Variants in SLC16A7 observed in about 807,000 individuals in gnomAD.
SLC16A7 encodes the protein monocarboxylate transporter 2.
In SLC16A7, 33 loss-of-function variants were observed where a neutral mutation model predicts 34.9. The ratio of observed to expected loss-of-function variants is 0.94; its 90% confidence interval spans 0.72 to 1.26. The LOEUF (loss-of-function observed/expected upper bound fraction) is 1.26, where lower values mean the gene tolerates loss of function less well. SLC16A7 is among the 50% of genes most tolerant of loss of function. The probability of loss-of-function intolerance (pLI) is 0.00; values close to 1 mark genes in which losing one functional copy is unlikely to be tolerated. For synonymous variants in SLC16A7, 201 were observed against 206.6 expected (o/e 0.97, Z 0.23); for missense variants, 573 against 578.1 (o/e 0.99, Z 0.09).
intron 3 of SLC16A7, among the ~76,000 whole-genome samples, chr12:59,770,981 T>C (rs1882167140): frequency 6.6e-6 from 1 of 151,332 alleles, no homozygotes. Flanking sequence ...CAACGAAATA[T>C]ATGTTCAACA....
intron 2 of SLC16A7, among the ~76,000 whole-genome samples, chr12:59,681,077 G>A (rs1294720932): frequency 6.6e-6 from 1 of 152,146 alleles, no homozygotes; most frequent in East Asian, 1.9e-4. Context: ...CAAAGCTGAG[G>A]TGCAGGCACC....
At chr12:59,759,569 AT>A (rs1429664067) in intron 3 of SLC16A7, among the ~76,000 whole-genome samples, 1 of 152,070 alleles carries the variant, frequency 6.6e-6, no homozygotes, top group Non-Finnish European at 1.5e-5. Flanking sequence ...ATGAAAAACA[AT>A]ATTTATATTT....
intron 3 of SLC16A7, chr12:59,768,036 T>C (rs1010076576): frequency 2.5e-6 from 1 of 394,044 alleles, no homozygotes. Context: ...GGCCCATGTA[T>C]ACATATGTAA....
chr12:59,663,222 T>A (rs1372658477), intron 2 of SLC16A7, among the ~76,000 whole-genome samples: 1 of 152,016 alleles, frequency 6.6e-6, no homozygotes, highest in Non-Finnish European at 1.5e-5. Flanking sequence ...AACTTTAGAA[T>A]ATTTTGTAAT....
chr12:59,655,886 C>T (rs1868509746), intron 2 of SLC16A7, among the ~76,000 whole-genome samples: 1 of 151,904 alleles, frequency 6.6e-6, no homozygotes, highest in South Asian at 2.1e-4. Flanking sequence ...GACTGCATAA[C>T]TTATAAGGGA....
intron 1 of SLC16A7, among the ~76,000 whole-genome samples, chr12:59,633,804 T>A (rs2136997212): frequency 6.6e-6 from 1 of 151,838 alleles, no homozygotes; most frequent in East Asian, 2.0e-4. Context: ...AACCATCAGA[T>A]CTCCTGAAAA....
At chr12:59,717,311 G>A (rs1875029898) in intron 3 of SLC16A7, among the ~76,000 whole-genome samples, 1 of 152,112 alleles carries the variant, frequency 6.6e-6, no homozygotes, top group Non-Finnish European at 1.5e-5. Context: ...AATACACAGA[G>A]GTTGTCATTA....
At chr12:59,730,414 C>T (rs1876816021) in intron 3 of SLC16A7, among the ~76,000 whole-genome samples, 1 of 151,140 alleles carries the variant, frequency 6.6e-6, no homozygotes, top group Non-Finnish European at 1.5e-5. Flanking sequence ...CAAAATGGCA[C>T]CTATTTCCTA....
At chr12:59,759,007 A>G (rs938257573) in intron 3 of SLC16A7, among the ~76,000 whole-genome samples, 1 of 148,398 alleles carries the variant, frequency 6.7e-6, no homozygotes, top group Non-Finnish European at 1.5e-5. Context: ...AGTCTTCTGT[A>G]TGGACTTTTT....
At chr12:59,656,811 A>G (rs1244802947) in intron 2 of SLC16A7, among the ~76,000 whole-genome samples, 1 of 151,934 alleles carries the variant, frequency 6.6e-6, no homozygotes, top group African/African-American at 2.4e-5. Flanking sequence ...CTAGGTTGTA[A>G]TATGTCATAT....
intron 3 of SLC16A7, among the ~76,000 whole-genome samples, chr12:59,737,726 C>T (rs1461390241): frequency 6.6e-6 from 1 of 152,164 alleles, no homozygotes; most frequent in Non-Finnish European, 1.5e-5. Flanking sequence ...CCCTGTTACA[C>T]AATTTTCCCT....
rs539996619 is a variant in SLC16A7 at position 59,759,875 on chromosome 12, A to T, written c.218-11344A>T. 1.2e-4 allele frequency among the ~76,000 whole-genome samples: 19 copies of T among 152,186 alleles called. 1 individual carries two copies. Among genetic ancestry groups the T allele is most frequent in the Admixed American group, 1.2e-3 (19 of 15,264 alleles). On this transcript the variant is annotated intron_variant, in intron 3 of 5. Transcript: ENST00000547379. Reference sequence around the variant, plus strand: ...TCTTCCTTAAATTGCACAATTAACTAATATTAGCATGACATTTTAAACCTA... The same window carrying T: ...TCTTCCTTAAATTGCACAATTAACTTATATTAGCATGACATTTTAAACCTA...
intron 5 of SLC16A7, 36 bp downstream of exon 5, chr12:59,775,511 T>C: frequency 6.8e-7 from 1 of 1,462,942 alleles, no homozygotes; most frequent in Non-Finnish European, 9.5e-7. Flanking sequence ...ATGTAAAGCA[T>C]AAAATTAATA....
intron 1 of SLC16A7, among the ~76,000 whole-genome samples, chr12:59,616,155 A>G (rs1879440311): frequency 6.6e-6 from 1 of 152,202 alleles, no homozygotes; most frequent in African/African-American, 2.4e-5. Flanking sequence ...TTATAAATAC[A>G]TGGAGTAGGT....
At chr12:59,599,739 A>G (rs1242029335) in intron 1 of SLC16A7, among the ~76,000 whole-genome samples, 3 of 152,178 alleles carry the variant, frequency 2.0e-5, no homozygotes, top group Non-Finnish European at 4.4e-5. Context: ...CCTTCAACTC[A>G]TCCCAAATAA....
chr12:59,716,289 A>C (rs954932310), intron 3 of SLC16A7, among the ~76,000 whole-genome samples: 5 of 152,186 alleles, frequency 3.3e-5, no homozygotes, highest in African/African-American at 1.2e-4. Flanking sequence ...TCAGCACCCC[A>C]GGAAATGAGT....
intron 3 of SLC16A7, among the ~76,000 whole-genome samples, chr12:59,754,163 A>C (rs1028323192): frequency 5.3e-5 from 8 of 152,256 alleles, no homozygotes; most frequent in Admixed American, 1.3e-4. Context: ...AGGAAAGATC[A>C]AAAATTGACA....
At chr12:59,733,639 TCTC>T (rs374484149) in intron 3 of SLC16A7, 30 of 448,764 alleles carry the variant, frequency 6.7e-5, no homozygotes, top group Middle Eastern at 5.3e-4. Flanking sequence ...CCTCTCTCCT[TCTC>T]ATCACCTGAA....
intron 2 of SLC16A7, among the ~76,000 whole-genome samples, chr12:59,687,134 C>A (rs1447213634): frequency 6.6e-6 from 1 of 151,700 alleles, no homozygotes; most frequent in African/African-American, 2.4e-5. Context: ...TTGGTTTGAT[C>A]TTTTCCTTGG....
Sources: gnomAD v4.1 joint callset for allele counts (sites outside exome capture counted in the v4.1 genomes callset) on GRCh38, gnomAD v4.1.1 for gene constraint, MANE v1.5 for transcripts, NCBI Gene and HGNC (gene_info 2026-07-23, HGNC 2026-07-21) for gene names.